The following TMX4 variants were observed in gnomAD, a reference collection of about 807,000 sequenced individuals.
TMX4 encodes the protein thioredoxin-related transmembrane protein 4.
In TMX4, 23 loss-of-function variants were observed where a neutral mutation model predicts 33.3. The observed-to-expected ratio is 0.69, with a 90% CI of 0.50 to 0.98. The LOEUF (loss-of-function observed/expected upper bound fraction) is 0.98, where lower values mean the gene tolerates loss of function less well. TMX4 is among the 50% of genes least tolerant of loss of function. The pLI is 0.00. For synonymous variants in TMX4, 164 were observed against 161.5 expected (o/e 1.02, Z -0.12); for missense variants, 399 against 448.9 (o/e 0.89, Z 1.01).
chr20:8,003,506 T>C (rs541320014), intron 2 of TMX4, among the ~76,000 whole-genome samples: 124 of 152,276 alleles, frequency 8.1e-4, no homozygotes, highest in Non-Finnish European at 1.4e-3. Context: ...GAAAAATATT[T>C]CATAAAACAC....
At chr20:8,003,909 A>G (rs949442459) in intron 2 of TMX4, among the ~76,000 whole-genome samples, 5 of 152,138 alleles carry the variant, frequency 3.3e-5, no homozygotes, top group African/African-American at 1.2e-4. Flanking sequence ...GTTTGTCAAT[A>G]TTTCTTCAAA....
chr20:7,982,437 A>C lies in TMX4; in HGVS notation c.864T>G (p.Gly288=). The C allele has an allele frequency of 1.9e-6, 3 of 1,613,858 alleles. No individual in the cohort carries two copies. The highest frequency in any genetic ancestry group is 2.5e-6 in the Non-Finnish European group (3 of 1,179,968). The change falls in exon 8 of 8, where the codon GGT becomes GGG. Residue 288 remains glycine, a synonymous_variant. Coordinates refer to ENST00000246024, the MANE Select transcript of TMX4 (RefSeq NM_021156.4). ...TGGCCTCACTTCTCTCCTCATCCACACCAGCAGCCAAGTTGTCCTCCTCCT... is the reference window on the plus strand; with the variant it reads ...TGGCCTCACTTCTCTCCTCATCCACCCCAGCAGCCAAGTTGTCCTCCTCCT... ...EEEEEDNLAA[G]VDEERSEAND... is the part of the protein sequence containing the mutation.
chr20:7,982,422 TCTCTC>T lies in TMX4; in HGVS notation c.874_878del (p.Glu292LysfsTer2). The T allele has an allele frequency of 6.2e-7, 1 of 1,614,046 alleles. No homozygotes were observed. The highest frequency in any genetic ancestry group is 1.1e-5 in the South Asian group (1 of 91,068). ...GGGGCCCCTGATCATTGGCCTCACT[TCTCTC>T]CTCATCCACACCAGCAGCCAAGTTG... On this transcript the variant is annotated frameshift_variant, in exon 8 of 8. Transcript: ENST00000246024. LOFTEE classifies it low-confidence loss of function (END_TRUNC).
At chr20:8,001,381 G>A (rs1041510636) in intron 3 of TMX4, 115 bp downstream of exon 3, 10 of 1,094,298 alleles carry the variant, frequency 9.1e-6, no homozygotes, top group Admixed American at 6.4e-5. Context: ...CACCAGCCTT[G>A]TTTCCCTCAC....
At chr20:8,005,355 A>G (rs2050724389) in intron 2 of TMX4, among the ~76,000 whole-genome samples, 1 of 152,222 alleles carries the variant, frequency 6.6e-6, no homozygotes, top group Non-Finnish European at 1.5e-5. Flanking sequence ...CAGGCAATGT[A>G]ATGTAACCTA....
Position 7,979,501 on chromosome 20 carries a change from A to G in TMX4, c.*2750T>C, listed in dbSNP as rs2122845634. On this transcript the variant is annotated 3_prime_UTR_variant, in exon 8 of 8. Transcript: ENST00000246024. ...ACACCTGTAATCCCAGCACGTTGGG[A>G]GGCTGAGGCGGGCGGATCACCTGAG... The G allele has an allele frequency of 6.6e-6, 1 of 152,198 alleles. No individual in the cohort carries two copies. The highest frequency in any genetic ancestry group is 2.4e-5 in the African/African-American group (1 of 41,528). The allele number at this position is 152,198 out of a possible 1,614,324, so 9.4% of individuals were successfully genotyped here. A position where few individuals can be genotyped will look rare whatever the true frequency, so the allele number is the denominator to read the frequency against.
chr20:8,003,540 C>T (rs1352180504), intron 2 of TMX4, among the ~76,000 whole-genome samples: 2 of 152,018 alleles, frequency 1.3e-5, no homozygotes, highest in Admixed American at 1.3e-4. Context: ...ATATATAAAA[C>T]ATTTCCAGAT....
intron 4 of TMX4, among the ~76,000 whole-genome samples, chr20:7,996,592 C>A (rs1352583117): frequency 6.6e-6 from 1 of 152,126 alleles, no homozygotes; most frequent in African/African-American, 2.4e-5. Flanking sequence ...AGCCTGGTGT[C>A]CACCTGCATC....
intron 5 of TMX4, among the ~76,000 whole-genome samples, chr20:7,995,245 T>C (rs76957949): frequency 2.6e-5 from 4 of 152,164 alleles, no homozygotes; most frequent in African/African-American, 7.2e-5. Context: ...AAGACATATA[T>C]AGGGAGACTC....
chr20:8,018,112 A>G (rs902558526), intron 1 of TMX4, among the ~76,000 whole-genome samples: 6 of 151,640 alleles, frequency 4.0e-5, no homozygotes, highest in Non-Finnish European at 7.4e-5. Context: ...ATTTAAATTG[A>G]AAGAATCAAA....
At position 8,019,534 on chromosome 20, in the gene TMX4, G is replaced by A; in HGVS notation, c.80C>T (p.Pro27Leu). Reference protein sequence around the residue: ...WIAAVAATAGPEEAALPPEQS... With the variant: ...WIAAVAATAGLEEAALPPEQS... ...CTCCGGCGGCAGCGCGGCCTCCTCG[G>A]GGCCTGCCGTCGCCGCCACAGCCGC... is the stretch of plus-strand genomic sequence containing the variant. The change falls in exon 1 of 8, where the codon CCC becomes CTC. Residue 27 changes from proline to leucine, a missense_variant. Physicochemically the swap from Pro to Leu is moderately conservative, Grantham distance 98. Coordinates refer to ENST00000246024, the MANE Select transcript of TMX4 (RefSeq NM_021156.4). 1 of 1,482,186 alleles carries A rather than the reference G, an allele frequency of 6.7e-7. No individual in the cohort carries two copies. Among genetic ancestry groups the A allele is most frequent in the Admixed American group, 2.5e-5 (1 of 39,900 alleles). The allele number at this position is 1,482,186 out of a possible 1,614,324, so 91.8% of individuals were successfully genotyped here.
In TMX4 at chr20:7,979,014, A is replaced by C. The variant is rs2050593271; in HGVS notation, c.*3237T>G. On this transcript the variant is annotated 3_prime_UTR_variant, in exon 8 of 8. Coordinates refer to ENST00000246024, the MANE Select transcript of TMX4 (RefSeq NM_021156.4). The stretch of plus-strand genomic sequence containing the variant: ...TTGCATTCACCTAATTTTAATTTAC[A>C]TAAAATACCATTCTGTGACTAAATA... 1 of 152,172 alleles carries C rather than the reference A, an allele frequency of 6.6e-6. No homozygotes were observed. The highest frequency in any genetic ancestry group is 6.5e-5 in the Admixed American group (1 of 15,274). The allele number at this position is 152,172 out of a possible 1,614,324, so 9.4% of individuals were successfully genotyped here.
intron 1 of TMX4, 184 bp downstream of exon 1, chr20:8,019,254 G>A (rs554526422): frequency 4.3e-6 from 3 of 692,758 alleles, no homozygotes; most frequent in South Asian, 2.2e-5. Flanking sequence ...ACCCCAGGTC[G>A]AGCCCAGCGG....
chr20:8,016,545 T>C (rs1315618733), intron 1 of TMX4, among the ~76,000 whole-genome samples: 2 of 152,152 alleles, frequency 1.3e-5, no homozygotes, highest in Non-Finnish European at 2.9e-5. Flanking sequence ...ATCCAAAAAA[T>C]TGACTGTTTG....
In TMX4 at chr20:7,982,026, A is replaced by G; in HGVS notation, c.*225T>C. 1 of 523,316 alleles carries G rather than the reference A, an allele frequency of 1.9e-6. No homozygotes were observed. Among genetic ancestry groups the G allele is most frequent in the Non-Finnish European group, 3.4e-6 (1 of 298,256 alleles). 32.4% of individuals were successfully genotyped at this position (523,316 alleles called of 1,614,324 possible). Reference sequence around the variant, plus strand: ...GAACTTGTTCCCATCCCAGTCTCCAAACAGATCCCAACACTACGTTTGTTT... The same window carrying G: ...GAACTTGTTCCCATCCCAGTCTCCAGACAGATCCCAACACTACGTTTGTTT... On this transcript the variant is annotated 3_prime_UTR_variant, in exon 8 of 8. Transcript: ENST00000246024.
intron 2 of TMX4, among the ~76,000 whole-genome samples, chr20:8,004,326 C>T (rs191428169): frequency 6.6e-6 from 1 of 152,126 alleles, no homozygotes; most frequent in African/African-American, 2.4e-5. Flanking sequence ...GGTTTAATAA[C>T]ATTAAGTTAA....
intron 1 of TMX4, among the ~76,000 whole-genome samples, chr20:8,012,839 A>C (rs1235690587): frequency 1.3e-5 from 2 of 152,192 alleles, no homozygotes; most frequent in African/African-American, 4.8e-5. Flanking sequence ...CCATTTCTAC[A>C]TAGCTGCTAT....
At chr20:7,983,042 C>T (rs570953580) in intron 7 of TMX4, among the ~76,000 whole-genome samples, 7 of 152,242 alleles carry the variant, frequency 4.6e-5, no homozygotes, top group Middle Eastern at 3.4e-3. Context: ...AGAGAAAATG[C>T]GCAAGGACTA....
At chr20:8,013,362 T>C (rs1053237135) in intron 1 of TMX4, among the ~76,000 whole-genome samples, 16 of 152,200 alleles carry the variant, frequency 1.1e-4, no homozygotes, top group African/African-American at 3.6e-4. Context: ...AAACTGTAAA[T>C]TGTTATCTTT....
Sources: gnomAD v4.1 joint callset for allele counts (sites outside exome capture counted in the v4.1 genomes callset) on GRCh38, gnomAD v4.1.1 for gene constraint, MANE v1.5 for transcripts, NCBI Gene and HGNC (gene_info 2026-07-23, HGNC 2026-07-21) for gene names.